Variants in NSA2 observed in about 807,000 individuals in gnomAD.
The protein encoded by NSA2 is NSA2 ribosome biogenesis factor.
A neutral mutation model predicts 34.8 loss-of-function variants in NSA2; 18 were observed. The ratio of observed to expected loss-of-function variants is 0.52; its 90% CI spans 0.36 to 0.77. The LOEUF (loss-of-function observed/expected upper bound fraction) is 0.77, where lower values mean the gene tolerates loss of function less well. Among genes scored for constraint, NSA2 ranks in the 30% least tolerant of loss-of-function variants. NSA2 has a pLI of 0.00. For missense variants in NSA2, 188 were observed against 314.7 expected (o/e 0.60, Z 3.05); for synonymous variants, 79 against 100.2 (o/e 0.79, Z 1.26).
At chr5:74,773,765 T>C in intron 4 of NSA2, 103 bp from the exon 5 acceptor site, 4 of 820,236 alleles carry the variant, frequency 4.9e-6, no homozygotes, top group Non-Finnish European at 7.6e-6. Context: ...TATTCAACCA[T>C]AGTTTTTTGG....
chr5:74,767,256 C>G lies in NSA2; in HGVS notation c.-105C>G, dbSNP rs1580046696. The G allele has an allele frequency of 7.8e-6, 11 of 1,416,386 alleles. No homozygotes were observed. In the East Asian group the frequency reaches 2.5e-4, roughly 33 times the overall value. 87.7% of individuals were successfully genotyped at this position (1,416,386 alleles called of 1,614,324 possible). On this transcript the variant is annotated 5_prime_UTR_variant, in exon 1 of 6. Transcript: ENST00000610426. ...CGGCCGTTTTAAAGGGTGACTCTTT[C>G]CTGTCCCGGCCTGCGTGGTGTGGGC...
intron 4 of NSA2, 27 bp downstream of exon 4, chr5:74,770,837 C>T (rs370510427): frequency 3.9e-5 from 57 of 1,458,518 alleles, no homozygotes; most frequent in South Asian, 3.4e-4. Context: ...GTGTAATGAC[C>T]GAAATGTTAG....
At position 74,770,922 on chromosome 5, in the gene NSA2, G is replaced by C; in HGVS notation, c.522+112G>C. On this transcript the variant is annotated intron_variant, in intron 4 of 5. Coordinates refer to ENST00000610426, the MANE Select transcript of NSA2 (RefSeq NM_014886.6). ...TAAATTGATGTGGAACAGGTTGAAA[G>C]ATATTTTTATGCAATTTTTGTTATT... 5.9e-6 allele frequency: 5 copies of C among 848,114 alleles called. 1 individual carries two copies. The South Asian group carries it at 1.4e-4, about 24-fold the overall frequency. 52.5% of individuals were successfully genotyped at this position (848,114 alleles called of 1,614,324 possible).
At chr5:74,773,478 A>C (rs1475783982) in intron 4 of NSA2, among the ~76,000 whole-genome samples, 1 of 151,138 alleles carries the variant, frequency 6.6e-6, no homozygotes, top group Non-Finnish European at 1.5e-5. Context: ...ACCAAAAAAA[A>C]AAAAAAAAAA....
At position 74,779,691 on chromosome 5, in the gene NSA2, A is replaced by C. The variant is rs1032968350; in HGVS notation, c.*3020A>C. On this transcript the variant is annotated 3_prime_UTR_variant, in exon 6 of 6. Coordinates refer to ENST00000610426, the MANE Select transcript of NSA2 (RefSeq NM_014886.6). ...GGCCAAAGTGCTTTAATTTTCATTT[A>C]GAATGAAATAATCTGGCTTACCTTT... 1 of 152,132 alleles carries C rather than the reference A, an allele frequency of 6.6e-6. No homozygotes were observed. The highest frequency in any genetic ancestry group is 1.5e-5 in the Non-Finnish European group (1 of 68,006). 9.4% of individuals were successfully genotyped at this position (152,132 alleles called of 1,614,324 possible).
intron 5 of NSA2, among the ~76,000 whole-genome samples, chr5:74,775,739 G>A (rs1418577984): frequency 1.3e-5 from 2 of 151,604 alleles, no homozygotes; most frequent in African/African-American, 4.8e-5. Flanking sequence ...ATGAGCCGAG[G>A]GAGGCATACA....
Position 74,773,864 on chromosome 5 carries a change from C to T in NSA2, c.523-4C>T. 1.2e-6 allele frequency: 2 copies of T among 1,609,426 alleles called. No individual in the cohort carries two copies. The highest frequency in any genetic ancestry group is 1.7e-6 in the Non-Finnish European group (2 of 1,177,484). ...ACATTCTTATGTTGTGTTTGACTTACTAGGGCTTGCGTTTCAAGAAAGCCC... is the reference window on the plus strand; with the variant it reads ...ACATTCTTATGTTGTGTTTGACTTATTAGGGCTTGCGTTTCAAGAAAGCCC... On this transcript the variant is annotated splice_region_variant and splice_polypyrimidine_tract_variant and intron_variant, in intron 4 of 5. Transcript: ENST00000610426.
At chr5:74,774,104 T>TA in intron 5 of NSA2, 44 bp downstream of exon 5, 1 of 1,329,044 alleles carries the variant, frequency 7.5e-7, no homozygotes, top group Non-Finnish European at 1.1e-6. Flanking sequence ...TCTGCAGTAC[T>TA]AATAGAAATA....
intron 3 of NSA2, 87 bp from the exon 4 acceptor site, chr5:74,770,544 T>C: frequency 2.8e-6 from 3 of 1,085,650 alleles, no homozygotes; most frequent in South Asian, 3.7e-5. Context: ...AAAATAGATC[T>C]ATTACTTTGT....
chr5:74,773,790 GAT>G (rs1745023041), intron 4 of NSA2, 76 bp from the exon 5 acceptor site: 1 of 1,132,790 alleles, frequency 8.8e-7, no homozygotes, highest in African/African-American at 1.6e-5. Context: ...GGTTGAAAAA[GAT>G]AAGCGAAAAC....
At chr5:74,770,368 G>C (rs1252679869) in intron 3 of NSA2, among the ~76,000 whole-genome samples, 2 of 151,178 alleles carry the variant, frequency 1.3e-5, no homozygotes, top group African/African-American at 4.9e-5. Context: ...CATTACAGGT[G>C]GTATTTTCTC....
In NSA2 at chr5:74,779,725, A is replaced by G. The variant is rs1272831231; in HGVS notation, c.*3054A>G. On this transcript the variant is annotated 3_prime_UTR_variant, in exon 6 of 6. Transcript: ENST00000610426. Reference sequence around the variant, plus strand: ...TAATCTGGCTTACCTTTGACTAATTAAAGAAAATATAGGGTAATACAATTG... The same window carrying G: ...TAATCTGGCTTACCTTTGACTAATTGAAGAAAATATAGGGTAATACAATTG... 1 of 152,164 alleles carries G rather than the reference A, an allele frequency of 6.6e-6. No homozygotes were observed. The highest frequency in any genetic ancestry group is 1.5e-5 in the Non-Finnish European group (1 of 68,016). The allele number at this position is 152,164 out of a possible 1,614,324, so 9.4% of individuals were successfully genotyped here. A position where few individuals can be genotyped will look rare whatever the true frequency, so the allele number is the denominator to read the frequency against.
intron 4 of NSA2, 105 bp from the exon 5 acceptor site, chr5:74,773,763 C>T: frequency 1.2e-6 from 1 of 803,740 alleles, no homozygotes. Context: ...ATTATTCAAC[C>T]ATAGTTTTTT....
intron 4 of NSA2, among the ~76,000 whole-genome samples, chr5:74,772,160 T>C (rs1484724784): frequency 6.7e-6 from 1 of 150,126 alleles, no homozygotes; most frequent in Non-Finnish European, 1.5e-5. Context: ...AGTCTCCCTC[T>C]GTATCCCAGG....
At chr5:74,772,383 T>A (rs559909457) in intron 4 of NSA2, among the ~76,000 whole-genome samples, 1 of 152,106 alleles carries the variant, frequency 6.6e-6, no homozygotes, top group Non-Finnish European at 1.5e-5. Context: ...CCTCCCAAAG[T>A]GTTGGAATTA....
rs149532124 is a variant in NSA2 at position 74,768,989 on chromosome 5, A to G, written c.62A>G (p.His21Arg). ...RKRYGYRLDYHEKKRKKESRE... is the reference protein window; with the variant it reads ...RKRYGYRLDYREKKRKKESRE... Reference sequence around the variant, plus strand: ...CGCTATGGATACCGTTTGGATTACCATGAGAAAAAGAGAAAGAAGGAAAGT... The same window carrying G: ...CGCTATGGATACCGTTTGGATTACCGTGAGAAAAAGAGAAAGAAGGAAAGT... Residue 21 changes from histidine (H) to arginine (R), a missense_variant, in exon 2 of 6, where the codon CAT becomes CGT. Physicochemically the swap from His to Arg is conservative, Grantham distance 29. Transcript: ENST00000610426. 990 of 1,609,946 alleles carry G rather than the reference A, an allele frequency of 6.1e-4. No homozygotes were observed. The highest frequency in any genetic ancestry group is 7.7e-4 in the Non-Finnish European group (905 of 1,178,838).
At position 74,767,305 on chromosome 5, in the gene NSA2, A is replaced by G; in HGVS notation, c.-56A>G. 6.2e-7 allele frequency: 1 copy of G among 1,611,632 alleles called. No individual in the cohort carries two copies. Among genetic ancestry groups the G allele is most frequent in the Non-Finnish European group, 8.5e-7 (1 of 1,178,122 alleles). On this transcript the variant is annotated 5_prime_UTR_variant, in exon 1 of 6. Transcript: ENST00000610426. The stretch of plus-strand genomic sequence containing the variant: ...GCTTGTGGGTCTTTGAGACCCGAAA[A>G]TTGAGAGCGTTTTCGCACTCCAGCG...
intron 4 of NSA2, among the ~76,000 whole-genome samples, chr5:74,772,422 G>GT (rs142547489): frequency 0.16 from 24,393 of 152,140 alleles, 2,375 homozygotes; most frequent in African/African-American, 0.27. Context: ...CCCGGCCAAC[G>GT]TGAGTAATTT....
chr5:74,773,808 C>G, intron 4 of NSA2, 60 bp from the exon 5 acceptor site: 1 of 1,351,482 alleles, frequency 7.4e-7, no homozygotes, highest in South Asian at 1.4e-5. Flanking sequence ...AAAACGACCA[C>G]TACTCATCAC....
Sources: allele counts gnomAD v4.1 joint callset (sites outside exome capture counted in the v4.1 genomes callset), GRCh38; gene constraint gnomAD v4.1.1; transcripts MANE v1.5; gene names NCBI Gene and HGNC (gene_info 2026-07-23, HGNC 2026-07-21).